EFR3B: variants seen among roughly 807,000 people sequenced by gnomAD.
The protein encoded by EFR3B is EFR3 homolog B, also known as protein EFR3 homolog B.
In EFR3B, 64 loss-of-function variants were observed where a neutral mutation model predicts 104.7. That is an observed-to-expected ratio of 0.61 (90% CI 0.50 to 0.75). The LOEUF is 0.75. Among genes scored for constraint, EFR3B ranks in the 30% least tolerant of loss-of-function variants. The pLI is 0.00. For synonymous variants in EFR3B, 385 were observed against 417.9 expected, an observed-to-expected ratio of 0.92 and a Z score of 0.96; for missense variants, 750 against 1,078.5, an observed-to-expected ratio of 0.70 and a Z score of 4.27.
chr2:25,140,597 G>A (rs10192245), intron 16 of EFR3B, among the ~76,000 whole-genome samples: 82 of 152,184 alleles, frequency 5.4e-4, no homozygotes, highest in Middle Eastern at 3.4e-3. Flanking sequence ...TTAGTAACTT[G>A]CACTTTTCTT....
chr2:25,148,671 C>A (rs1270327175), intron 19 of EFR3B, among the ~76,000 whole-genome samples: 1 of 151,374 alleles, frequency 6.6e-6, no homozygotes, highest in African/African-American at 2.4e-5. Flanking sequence ...GCCTGTAATC[C>A]CAGCACTTTG....
intron 2 of EFR3B, 131 bp from the exon 3 acceptor site, chr2:25,092,872 A>C (rs1032280776): frequency 1.7e-6 from 2 of 1,169,918 alleles, no homozygotes; most frequent in Admixed American, 5.5e-5. Context: ...TCTGAAACCC[A>C]CATGTGCTCC....
At chr2:25,127,784 G>A (rs979549725) in intron 5 of EFR3B, among the ~76,000 whole-genome samples, 3 of 152,136 alleles carry the variant, frequency 2.0e-5, no homozygotes, top group Non-Finnish European at 4.4e-5. Context: ...CTCTGGATCC[G>A]CCTCCCCCTG....
chr2:25,099,969 G>A (rs1317712427), intron 3 of EFR3B, among the ~76,000 whole-genome samples: 1 of 152,018 alleles, frequency 6.6e-6, no homozygotes, highest in Non-Finnish European at 1.5e-5. Flanking sequence ...TTGGGAGGCC[G>A]AGGTGGGTGG....
At chr2:25,080,106 T>C in intron 1 of EFR3B, 1 of 996,578 alleles carries the variant, frequency 1.0e-6, no homozygotes, top group African/African-American at 1.6e-5. Context: ...CCACATCTTT[T>C]ACTGCCGTGA....
At chr2:25,125,754 C>T (rs565448562) in intron 5 of EFR3B, among the ~76,000 whole-genome samples, 1 of 152,302 alleles carries the variant, frequency 6.6e-6, no homozygotes, top group South Asian at 2.1e-4. Context: ...CGAGACCATC[C>T]TGGCTAACAC....
At chr2:25,150,881 G>T (rs1463624021) in intron 20 of EFR3B, among the ~76,000 whole-genome samples, 3 of 151,970 alleles carry the variant, frequency 2.0e-5, no homozygotes, top group East Asian at 3.9e-4. Flanking sequence ...AAAGTGCTGG[G>T]CTTACAGGCA....
At chr2:25,133,845 C>T (rs571584472) in intron 12 of EFR3B, among the ~76,000 whole-genome samples, 1 of 152,228 alleles carries the variant, frequency 6.6e-6, no homozygotes, top group Non-Finnish European at 1.5e-5. Context: ...TCCCAGCCCC[C>T]ATCCTTCCCA....
chr2:25,057,451 G>A (rs1024749276), intron 1 of EFR3B, among the ~76,000 whole-genome samples: 4 of 151,744 alleles, frequency 2.6e-5, no homozygotes, highest in African/African-American at 9.7e-5. Flanking sequence ...TTATTCCAAC[G>A]TTATTCTCTT....
rs1360165718 is a variant in EFR3B at position 25,101,262 on chromosome 2, GAA to G, written c.213-2373_213-2372del. Among the ~76,000 whole-genome samples, 12 of 152,314 alleles carry G rather than the reference GAA, an allele frequency of 7.9e-5. No homozygotes were observed. The East Asian group carries it at 2.3e-3, about 29-fold the overall frequency. On this transcript the variant is annotated intron_variant, in intron 3 of 22. Coordinates refer to ENST00000403714, the MANE Select transcript of EFR3B (RefSeq NM_014971.2). The stretch of plus-strand genomic sequence containing the variant: ...CCACTTCCCAGCTGGTAGGAAGAGG[GAA>G]AGAGAAAGGACACAGAGGGCAGTCA...
intron 19 of EFR3B, chr2:25,145,883 A>T (rs1395283418): frequency 6.6e-6 from 1 of 151,854 alleles, no homozygotes; most frequent in Admixed American, 6.6e-5. Context: ...TTACAGTTCA[A>T]CCTGCCTTAA....
chr2:25,069,789 C>T (rs747111627), intron 1 of EFR3B, among the ~76,000 whole-genome samples: 6 of 152,284 alleles, frequency 3.9e-5, no homozygotes, highest in South Asian at 2.1e-4. Flanking sequence ...CTCTGCCTCC[C>T]GGGTTCAGGA....
intron 1 of EFR3B, among the ~76,000 whole-genome samples, chr2:25,088,842 G>A (rs892874637): frequency 2.0e-4 from 30 of 152,196 alleles, no homozygotes; most frequent in African/African-American, 7.2e-4. Flanking sequence ...AAGAGGTTAG[G>A]AAGAAAGGAA....
chr2:25,097,837 G>A (rs1426724562), intron 3 of EFR3B, among the ~76,000 whole-genome samples: 5 of 152,112 alleles, frequency 3.3e-5, no homozygotes, highest in Admixed American at 6.6e-5. Flanking sequence ...GGTAAGACTC[G>A]CTCAGTCGAC....
chr2:25,153,334 AC>A (rs1457657384), intron 21 of EFR3B, among the ~76,000 whole-genome samples: 1 of 152,096 alleles, frequency 6.6e-6, no homozygotes, highest in Non-Finnish European at 1.5e-5. Context: ...AGCCTGGGTA[AC>A]AGAGCAAGAC....
intron 4 of EFR3B, among the ~76,000 whole-genome samples, chr2:25,118,464 C>G (rs760696635): frequency 3.9e-5 from 6 of 151,948 alleles, no homozygotes; most frequent in Non-Finnish European, 7.4e-5. Flanking sequence ...CACAGATATG[C>G]CACATTTTCT....
At chr2:25,135,676 G>A in intron 13 of EFR3B, 37 bp downstream of exon 13, 1 of 1,550,362 alleles carries the variant, frequency 6.5e-7, no homozygotes, top group Non-Finnish European at 8.7e-7. Context: ...AATGCAAGAT[G>A]GGGAGAGGAC....
rs1400543238 is a variant in EFR3B, at chr2:25,137,083, T to C, written c.1561-258T>C. On this transcript the variant is annotated intron_variant, in intron 14 of 22. Coordinates refer to ENST00000403714, the MANE Select transcript of EFR3B (RefSeq NM_014971.2). The surrounding 1 kb of genome is among the most constrained non-coding windows in gnomAD (Gnocchi z 4.7). ...GAGTGATGAGCCAGTCCAGGGCCAG[T>C]GACTGTGTTCTGCTCCTACACCTGG... Among the ~76,000 whole-genome samples the C allele has an allele frequency of 6.6e-6, 1 of 152,120 alleles. No homozygotes were observed. The highest frequency in any genetic ancestry group is 1.5e-5 in the Non-Finnish European group (1 of 68,012).
chr2:25,100,665 G>T (rs1013183513), intron 3 of EFR3B, among the ~76,000 whole-genome samples: 7 of 152,012 alleles, frequency 4.6e-5, no homozygotes, highest in African/African-American at 1.7e-4. Context: ...GCTAATTTTT[G>T]GTATTTTTAG....
Sources: gnomAD v4.1 joint callset for allele counts (sites outside exome capture counted in the v4.1 genomes callset) on GRCh38, gnomAD v4.1.1 for gene constraint, Gnocchi (gnomAD v3.1) non-coding constraint, MANE v1.5 for transcripts, NCBI Gene and HGNC (gene_info 2026-07-23, HGNC 2026-07-21) for gene names.